The following GEMIN2 variants were observed in gnomAD, a reference collection of about 807,000 sequenced individuals.
GEMIN2 encodes the protein gem-associated protein 2.
GEMIN2 carries 37 observed loss-of-function variants against 45.8 expected under a neutral mutation model. The ratio of observed to expected loss-of-function variants is 0.81; its 90% CI spans 0.62 to 1.06. GEMIN2 has a LOEUF of 1.06. Ranked by LOEUF, GEMIN2 falls within the 50% of genes least tolerant of loss-of-function variation. The probability of loss-of-function intolerance (pLI) is 0.00; values close to 1 mark genes in which losing one functional copy is unlikely to be tolerated. For missense variants in GEMIN2, 335 were observed against 321.8 expected (o/e 1.04, Z -0.31); for synonymous variants, 101 against 111.5 (o/e 0.91, Z 0.60).
intron 7 of GEMIN2, among the ~76,000 whole-genome samples, chr14:39,131,090 G>C (rs997065932): frequency 1.3e-5 from 2 of 152,072 alleles, no homozygotes; most frequent in African/African-American, 4.8e-5. Context: ...TTGAGGTCAG[G>C]AGTTCGAGAC....
At position 39,114,477 on chromosome 14, in the gene GEMIN2, T is replaced by C; in HGVS notation, c.137+2T>C. On this transcript the variant is annotated splice_donor_variant, in intron 1 of 9. Coordinates refer to ENST00000308317, the MANE Select transcript of GEMIN2 (RefSeq NM_003616.3). LOFTEE classifies it high-confidence loss of function. ...TCAGGAATACCTGAGGCGGGTCCAG[T>C]GAGTGATTCGGCCCTGGGCGGGTGG... 1 of 1,609,956 alleles carries C rather than the reference T, an allele frequency of 6.2e-7. No individual in the cohort carries two copies. Among genetic ancestry groups the C allele is most frequent in the Non-Finnish European group, 8.5e-7 (1 of 1,176,940 alleles).
At chr14:39,115,953 A>G (rs1240706288) in intron 2 of GEMIN2, among the ~76,000 whole-genome samples, 1 of 152,202 alleles carries the variant, frequency 6.6e-6, no homozygotes, top group Non-Finnish European at 1.5e-5. Context: ...ATAATTACAT[A>G]TTGTGATTAT....
In GEMIN2 at chr14:39,136,622, T is replaced by A; in HGVS notation, c.*143T>A. The stretch of plus-strand genomic sequence containing the variant: ...ACATCTTAACCTGTGCAATTCAGAT[T>A]GATACTCAGAATATGGGTTGATTTG... On this transcript the variant is annotated 3_prime_UTR_variant, in exon 10 of 10. Transcript: ENST00000308317. The A allele has an allele frequency of 1.6e-6, 1 of 639,896 alleles. No individual in the cohort carries two copies. Among genetic ancestry groups the A allele is most frequent in the Non-Finnish European group, 2.8e-6 (1 of 362,536 alleles). The allele number at this position is 639,896 out of a possible 1,614,324, so 39.6% of individuals were successfully genotyped here.
Position 39,118,539 on chromosome 14 carries a change from G to A in GEMIN2, c.313-1G>A. 7.2e-7 allele frequency: 1 copy of A among 1,392,608 alleles called. No homozygotes were observed. The allele number at this position is 1,392,608 out of a possible 1,614,324, so 86.3% of individuals were successfully genotyped here. ...CTAATGTCTAAGTTTTCTTCCTTTA[G>A]AATGTGAACAAACATAGAAGTCACT... On this transcript the variant is annotated splice_acceptor_variant, in intron 3 of 9. Coordinates refer to ENST00000308317, the MANE Select transcript of GEMIN2 (RefSeq NM_003616.3). LOFTEE classifies it high-confidence loss of function.
At position 39,114,384 on chromosome 14, in the gene GEMIN2, C is replaced by T. The variant is rs550635715; in HGVS notation, c.46C>T (p.Arg16Trp). The T allele has an allele frequency of 3.1e-6, 5 of 1,613,718 alleles. No individual in the cohort carries two copies. The highest frequency in any genetic ancestry group is 1.7e-5 in the Admixed American group (1 of 60,024). The change falls in exon 1 of 10, where the codon CGG becomes TGG. Residue 16 changes from arginine to tryptophan, a missense_variant. Transcript: ENST00000308317. ...GTCCGCAGTGGAAGAGTTGATGCCT[C>T]GGCTATTGCCGGTAGAGCCTTGCGA... ...AESAVEELMP[R>W]LLPVEPCDLT...
chr14:39,116,529 G>C (rs2052509656), intron 2 of GEMIN2, among the ~76,000 whole-genome samples: 1 of 151,004 alleles, frequency 6.6e-6, no homozygotes, highest in African/African-American at 2.4e-5. Context: ...CCATTCTCCT[G>C]CCTCAGCCTC....
chr14:39,130,613 G>A (rs2052703868), intron 7 of GEMIN2, among the ~76,000 whole-genome samples: 1 of 152,180 alleles, frequency 6.6e-6, no homozygotes, highest in South Asian at 2.1e-4. Flanking sequence ...ACAAGGGATG[G>A]CTGAGTGGGG....
At chr14:39,132,671 TTTTTTTTTTTTTTTTC>T (rs2052732655) in intron 8 of GEMIN2, among the ~76,000 whole-genome samples, 1 of 52,358 alleles carries the variant, frequency 1.9e-5, no homozygotes, top group African/African-American at 8.0e-5. Context: ...AGCCTTTTTT[TTTTTTTTTTTTTTTTC>T]TTTTATTGTG....
intron 8 of GEMIN2, among the ~76,000 whole-genome samples, chr14:39,132,748 G>A (rs1198834354): frequency 5.8e-5 from 8 of 138,080 alleles, no homozygotes; most frequent in Admixed American, 4.0e-4. Context: ...GTGCGGTCTC[G>A]GCTCACTGCA....
chr14:39,132,180 A>T, intron 8 of GEMIN2, 112 bp downstream of exon 8: 1 of 666,992 alleles, frequency 1.5e-6, no homozygotes, highest in Non-Finnish European at 2.7e-6. Flanking sequence ...GGTGGCAATT[A>T]GATTTGTAAA....
chr14:39,118,657 A>G (rs1207822553), intron 4 of GEMIN2, 58 bp downstream of exon 4: 4 of 739,298 alleles, frequency 5.4e-6, no homozygotes, highest in Admixed American at 1.9e-5. Context: ...AAGAGTCTAT[A>G]TTTACTTCCA....
At chr14:39,123,708 A>ATATATATATATATTTT (rs1555333787) in intron 5 of GEMIN2, among the ~76,000 whole-genome samples, 2 of 37,688 alleles carry the variant, frequency 5.3e-5, no homozygotes, top group African/African-American at 1.3e-4. Context: ...ATATATATAT[A>ATATATATATATATTTT]TTTTTTTTTT....
chr14:39,132,034 T>C lies in GEMIN2; in HGVS notation c.677T>C (p.Leu226Pro), dbSNP rs1164815788. Residue 226 changes from leucine to proline, a missense_variant, in exon 8 of 10, where the codon CTT (leucine) becomes CCT (proline). Leu to Pro is a moderately conservative substitution (Grantham distance 98, BLOSUM62 -3). Transcript: ENST00000308317. ...LPEAHSLIRQ[L>P]ARRCSEVRLL... ...GAGGCTCATTCACTGATTCGGCAGC[T>C]TGCAAGAAGGTGCTCTGAAGTGAGG... 5 of 1,596,982 alleles carry C rather than the reference T, an allele frequency of 3.1e-6. No individual in the cohort carries two copies. Among genetic ancestry groups the C allele is most frequent in the Non-Finnish European group, 4.3e-6 (5 of 1,164,676 alleles).
At chr14:39,116,158 C>A (rs1370349885) in intron 2 of GEMIN2, among the ~76,000 whole-genome samples, 2 of 151,800 alleles carry the variant, frequency 1.3e-5, no homozygotes, top group Non-Finnish European at 2.9e-5. Context: ...GCCTCAGCCC[C>A]CTGAGTAGCT....
intron 9 of GEMIN2, 23 bp downstream of exon 9, chr14:39,133,742 T>G (rs991894993): frequency 1.5e-6 from 2 of 1,349,992 alleles, no homozygotes; most frequent in African/African-American, 3.0e-5. Flanking sequence ...CTTGGCTTCT[T>G]TATTATTTAT....
chr14:39,130,660 G>A (rs930275953), intron 7 of GEMIN2, among the ~76,000 whole-genome samples: 4 of 152,206 alleles, frequency 2.6e-5, no homozygotes, highest in East Asian at 1.9e-4. Flanking sequence ...TAGGGAGGCC[G>A]AGGTGGGCGG....
intron 7 of GEMIN2, among the ~76,000 whole-genome samples, chr14:39,128,934 C>T (rs559875429): frequency 6.6e-5 from 10 of 152,230 alleles, no homozygotes; most frequent in South Asian, 2.1e-4. Flanking sequence ...CCACTGAGCC[C>T]GGCTCCTTTC....
At chr14:39,135,862 TCTC>T (rs2139363801) in intron 9 of GEMIN2, among the ~76,000 whole-genome samples, 2 of 152,360 alleles carry the variant, frequency 1.3e-5, no homozygotes, top group African/African-American at 4.8e-5. Context: ...TTTTTTCCTT[TCTC>T]CTCTAGTTAA....
At chr14:39,116,461 G>A (rs1443331747) in intron 2 of GEMIN2, among the ~76,000 whole-genome samples, 1 of 148,614 alleles carries the variant, frequency 6.7e-6, no homozygotes, top group Non-Finnish European at 1.5e-5. Context: ...CTGTCGCCCA[G>A]GCTGGAGTGC....
Sources: gnomAD v4.1 joint callset for allele counts (sites outside exome capture counted in the v4.1 genomes callset) on GRCh38, gnomAD v4.1.1 for gene constraint, MANE v1.5 for transcripts, NCBI Gene and HGNC (gene_info 2026-07-23, HGNC 2026-07-21) for gene names.